The following CCSER1 variants were observed in gnomAD, a reference collection of about 807,000 sequenced individuals.
The protein encoded by CCSER1 is serine-rich coiled-coil domain-containing protein 1.
Under a neutral mutation model 82.0 loss-of-function variants are expected in CCSER1, and 41 were observed. The observed-to-expected ratio is 0.50, with a 90% confidence interval of 0.39 to 0.65. The LOEUF (loss-of-function observed/expected upper bound fraction) is 0.65. Ranked by LOEUF, CCSER1 falls within the 30% of genes least tolerant of loss-of-function variation. CCSER1 has a pLI of 0.00. For missense variants in CCSER1, 1,119 were observed against 1,064.2 expected (o/e 1.05, Z -0.72); for synonymous variants, 414 against 383.9 (o/e 1.08, Z -0.92).
chr4:90,969,921 A>G (rs948542944), intron 9 of CCSER1, among the ~76,000 whole-genome samples: 1 of 151,690 alleles, frequency 6.6e-6, no homozygotes, highest in Non-Finnish European at 1.5e-5. Context: ...GCAGATACAC[A>G]TAAGAAATAA....
At chr4:90,629,944 G>C (rs950112638) in intron 6 of CCSER1, among the ~76,000 whole-genome samples, 1 of 152,070 alleles carries the variant, frequency 6.6e-6, no homozygotes, top group African/African-American at 2.4e-5. Flanking sequence ...TCACATGGTG[G>C]AAGTACTATA....
chr4:90,342,627 T>C (rs570487238), intron 3 of CCSER1, among the ~76,000 whole-genome samples: 1 of 152,330 alleles, frequency 6.6e-6, no homozygotes, highest in East Asian at 1.9e-4. Flanking sequence ...GAAAGAACCA[T>C]AGCACCGAGT....
intron 8 of CCSER1, among the ~76,000 whole-genome samples, chr4:90,876,582 C>A (rs960928198): frequency 2.0e-5 from 3 of 152,098 alleles, no homozygotes; most frequent in Non-Finnish European, 4.4e-5. Context: ...CAACATCTAA[C>A]TAATCATCAT....
At chr4:90,395,821 C>T (rs752937739) in intron 3 of CCSER1, among the ~76,000 whole-genome samples, 3 of 151,826 alleles carry the variant, frequency 2.0e-5, no homozygotes, top group Non-Finnish European at 2.9e-5. Flanking sequence ...TGCCTGTAAT[C>T]CCAGCACTTT....
At position 90,851,610 on chromosome 4, in the gene CCSER1, A is replaced by G. The variant is rs186753302; in HGVS notation, c.2094+35765A>G. 9.8e-3 allele frequency among the ~76,000 whole-genome samples: 1,398 copies of G among 142,836 alleles called. 26 individuals carry two copies. The highest frequency in any genetic ancestry group is 0.035 in the African/African-American group (1,333 of 38,318). 93.7% of individuals were successfully genotyped at this position (142,836 alleles called of 152,430 possible). A position where few individuals can be genotyped will look rare whatever the true frequency, so the allele number is the denominator to read the frequency against. ...TTTTTTTCCTGATCCGACCTTTACC[A>G]TCATGTGTTTTACCCACTCAAACAA... On this transcript the variant is annotated intron_variant, in intron 8 of 10. Coordinates refer to ENST00000509176, the MANE Select transcript of CCSER1 (RefSeq NM_001145065.2).
intron 5 of CCSER1, among the ~76,000 whole-genome samples, chr4:90,609,899 T>A (rs1785224630): frequency 6.6e-6 from 1 of 152,204 alleles, no homozygotes; most frequent in Admixed American, 6.5e-5. Flanking sequence ...GGATTCATAT[T>A]GATTACTGTA....
At chr4:91,367,130 CAAAAAAAAAA>C (rs70965488) in intron 10 of CCSER1, among the ~76,000 whole-genome samples, 2 of 63,728 alleles carry the variant, frequency 3.1e-5, no homozygotes, top group East Asian at 4.2e-4. Flanking sequence ...ACCATCTCTC[CAAAAAAAAAA>C]AAAAAAAAAA....
At chr4:90,723,872 A>G (rs1743152869) in intron 6 of CCSER1, 42 bp from the exon 7 acceptor site, 2 of 1,040,246 alleles carry the variant, frequency 1.9e-6, no homozygotes, top group Admixed American at 2.7e-5. Context: ...CAAAATGACT[A>G]CAAAACAATC....
intron 3 of CCSER1, among the ~76,000 whole-genome samples, chr4:90,353,372 A>T (rs772144517): frequency 3.9e-5 from 6 of 152,100 alleles, no homozygotes; most frequent in Non-Finnish European, 7.4e-5. Flanking sequence ...ACTTTTTAAA[A>T]ACTACTTTGT....
At chr4:90,961,728 C>T (rs1407633881) in intron 9 of CCSER1, among the ~76,000 whole-genome samples, 3 of 151,984 alleles carry the variant, frequency 2.0e-5, no homozygotes, top group Middle Eastern at 3.4e-3. Context: ...CTTTTAATTA[C>T]TATTCAGCAT....
chr4:90,476,044 GTA>G (rs780455295), intron 5 of CCSER1, among the ~76,000 whole-genome samples: 4 of 146,234 alleles, frequency 2.7e-5, no homozygotes, highest in African/African-American at 2.6e-5. Context: ...GTGTGTGTGT[GTA>G]TGTGTGTGTG....
chr4:90,658,331 T>G (rs1730112592), intron 6 of CCSER1, among the ~76,000 whole-genome samples: 1 of 152,220 alleles, frequency 6.6e-6, no homozygotes, highest in South Asian at 2.1e-4. Context: ...ACATTACATC[T>G]TAATCCAATC....
chr4:91,372,781 GAAT>G (rs1192513475), intron 10 of CCSER1, among the ~76,000 whole-genome samples: 1 of 152,006 alleles, frequency 6.6e-6, no homozygotes, highest in East Asian at 1.9e-4. Flanking sequence ...GGGTGCACAT[GAAT>G]AATAATATCT....
intron 7 of CCSER1, chr4:90,724,935 A>G: frequency 2.6e-6 from 1 of 389,910 alleles, no homozygotes; most frequent in Non-Finnish European, 5.1e-6. Context: ...TGAAATGATA[A>G]TTATAGAAGG....
chr4:90,954,233 A>G (rs1324303262), intron 9 of CCSER1, among the ~76,000 whole-genome samples: 1 of 152,044 alleles, frequency 6.6e-6, no homozygotes, highest in East Asian at 1.9e-4. Flanking sequence ...TGCAGAATAA[A>G]GTAGAAAATA....
chr4:91,394,309 G>A (rs1751835994), intron 10 of CCSER1, among the ~76,000 whole-genome samples: 1 of 152,032 alleles, frequency 6.6e-6, no homozygotes, highest in Non-Finnish European at 1.5e-5. Flanking sequence ...TATCCACTGA[G>A]AGGTAATTAT....
chr4:91,219,870 C>A (rs868028970), intron 10 of CCSER1, among the ~76,000 whole-genome samples: 2 of 152,146 alleles, frequency 1.3e-5, no homozygotes, highest in Non-Finnish European at 2.9e-5. Context: ...TCTCTCATAT[C>A]TGTCTTAAAG....
chr4:91,038,022 C>G (rs1390197654), intron 9 of CCSER1, among the ~76,000 whole-genome samples: 1 of 151,934 alleles, frequency 6.6e-6, no homozygotes, highest in Non-Finnish European at 1.5e-5. Flanking sequence ...GAATATATTT[C>G]AATACTTCAG....
chr4:90,363,779 T>C (rs981605230), intron 3 of CCSER1, among the ~76,000 whole-genome samples: 1 of 152,214 alleles, frequency 6.6e-6, no homozygotes. Flanking sequence ...TCCATTTCAT[T>C]TTCCCACTCA....
Sources: allele counts gnomAD v4.1 joint callset (sites outside exome capture counted in the v4.1 genomes callset), GRCh38; gene constraint gnomAD v4.1.1; transcripts MANE v1.5; gene names NCBI Gene and HGNC (gene_info 2026-07-23, HGNC 2026-07-21).